Variants in RAB22A observed in about 807,000 individuals in gnomAD.
The protein encoded by RAB22A is RAB22A, member RAS oncogene family.
In RAB22A, 13 loss-of-function variants were observed where a neutral mutation model predicts 30.2. The observed-to-expected ratio is 0.43, with a 90% CI of 0.28 to 0.68. The LOEUF is 0.68. Ranked by LOEUF, RAB22A falls within the 30% of genes least tolerant of loss-of-function variation. RAB22A has a pLI of 0.18. For missense variants in RAB22A, 177 were observed against 246.8 expected (o/e 0.72, Z 1.89); for synonymous variants, 89 against 87.2 (o/e 1.02, Z -0.11).
At chr20:58,324,728 A>C (rs1248713606) in intron 2 of RAB22A, among the ~76,000 whole-genome samples, 1 of 149,156 alleles carries the variant, frequency 6.7e-6, no homozygotes, top group Non-Finnish European at 1.5e-5. Flanking sequence ...TTAGCTGGGC[A>C]TGGGGGCACA....
At position 58,359,613 on chromosome 20, in the gene RAB22A, A is replaced by T; in HGVS notation, c.495A>T (p.Arg165Ser). Residue 165 changes from arginine to serine, a missense_variant, in exon 7 of 7, where the codon AGA (arginine) becomes AGT (serine). Arg to Ser is a moderately radical substitution (Grantham distance 110). Coordinates refer to ENST00000244040, the MANE Select transcript of RAB22A (RefSeq NM_020673.3). ...TTTCTCATCTTGGTTTAGGTCGAAG[A>T]ATTCCATCCACTGACGCCAACCTGC... Reference protein sequence around the residue: ...INELFIEISRRIPSTDANLPS... With the variant: ...INELFIEISRSIPSTDANLPS... 1 of 1,607,702 alleles carries T rather than the reference A, an allele frequency of 6.2e-7. No homozygotes were observed. Among genetic ancestry groups the T allele is most frequent in the Non-Finnish European group, 8.5e-7 (1 of 1,174,634 alleles).
At chr20:58,334,276 A>G (rs1986708211) in intron 2 of RAB22A, among the ~76,000 whole-genome samples, 1 of 151,972 alleles carries the variant, frequency 6.6e-6, no homozygotes, top group East Asian at 1.9e-4. Flanking sequence ...TGGAGATTGC[A>G]GTAAGCAGAG....
intron 2 of RAB22A, among the ~76,000 whole-genome samples, chr20:58,325,544 C>T (rs989929969): frequency 6.6e-6 from 1 of 151,322 alleles, no homozygotes; most frequent in Non-Finnish European, 1.5e-5. Flanking sequence ...TAGATCATTT[C>T]ATCATCATTC....
intron 3 of RAB22A, among the ~76,000 whole-genome samples, chr20:58,351,329 C>T (rs920834014): frequency 2.0e-5 from 3 of 149,114 alleles, no homozygotes; most frequent in Non-Finnish European, 4.4e-5. Context: ...GAGCGAGACT[C>T]TGTCTCAAAA....
chr20:58,316,323 G>A (rs956928912), intron 2 of RAB22A, among the ~76,000 whole-genome samples: 5 of 152,030 alleles, frequency 3.3e-5, no homozygotes, highest in East Asian at 1.9e-4. Flanking sequence ...GGTCTCCTTC[G>A]GCCTTGTCAT....
chr20:58,340,890 G>A (rs1986843759), intron 2 of RAB22A, among the ~76,000 whole-genome samples: 1 of 152,164 alleles, frequency 6.6e-6, no homozygotes, highest in South Asian at 2.1e-4. Flanking sequence ...CAGTGGGAAA[G>A]CATCCAAGGA....
chr20:58,356,342 A>G (rs902237083), intron 6 of RAB22A, among the ~76,000 whole-genome samples: 4 of 152,048 alleles, frequency 2.6e-5, no homozygotes, highest in Non-Finnish European at 5.9e-5. Context: ...ATAGTAAACT[A>G]TACCAACAAT....
chr20:58,346,870 G>A (rs149959136), intron 3 of RAB22A, among the ~76,000 whole-genome samples: 28 of 152,288 alleles, frequency 1.8e-4, no homozygotes, highest in African/African-American at 6.3e-4. Context: ...CCATGGGATT[G>A]TCACCTGTTT....
At chr20:58,318,633 A>T (rs1986390938) in intron 2 of RAB22A, among the ~76,000 whole-genome samples, 1 of 151,750 alleles carries the variant, frequency 6.6e-6, no homozygotes, top group African/African-American at 2.4e-5. Flanking sequence ...GTAGTTGTTG[A>T]TCCCTCTCTC....
At chr20:58,353,389 G>A (rs1402199570) in intron 4 of RAB22A, 43 bp from the exon 5 acceptor site, 1 of 1,608,092 alleles carries the variant, frequency 6.2e-7, no homozygotes, top group African/African-American at 1.3e-5. Flanking sequence ...AAACTCTTTT[G>A]GTTGCTTAGA....
In RAB22A at chr20:58,311,138, T is replaced by C; in HGVS notation, c.116+16T>C. 1 of 1,545,802 alleles carries C rather than the reference T, an allele frequency of 6.5e-7. No individual in the cohort carries two copies. The highest frequency in any genetic ancestry group is 8.9e-7 in the Non-Finnish European group (1 of 1,117,830). ...CAACAATAGGGTAAGAGACTTTTAT[T>C]TGATACACATCTAAAGGTGCATTGA... On this transcript the variant is annotated intron_variant, in intron 2 of 6. Coordinates refer to ENST00000244040, the MANE Select transcript of RAB22A (RefSeq NM_020673.3).
At chr20:58,346,966 T>A (rs903710460) in intron 3 of RAB22A, among the ~76,000 whole-genome samples, 6 of 152,192 alleles carry the variant, frequency 3.9e-5, no homozygotes, top group Admixed American at 1.3e-4. Context: ...CCTTGGCACA[T>A]GGTATTGATG....
At chr20:58,339,176 CAT>C (rs778589146) in intron 2 of RAB22A, among the ~76,000 whole-genome samples, 9 of 152,180 alleles carry the variant, frequency 5.9e-5, no homozygotes, top group Non-Finnish European at 8.8e-5. Context: ...TGAAGAAAGT[CAT>C]ATTTTTAGAA....
chr20:58,363,697 G>A lies in RAB22A; in HGVS notation c.*3994G>A, dbSNP rs1239179878. On this transcript the variant is annotated 3_prime_UTR_variant, in exon 7 of 7. Transcript: ENST00000244040. ...TCTTTAACAGTTAATATTTTTTAAAGGAAGAAATGGAATGTACCTTCAGGG... is the reference window on the plus strand; with the variant it reads ...TCTTTAACAGTTAATATTTTTTAAAAGAAGAAATGGAATGTACCTTCAGGG... 1 of 152,134 alleles carries A rather than the reference G, an allele frequency of 6.6e-6. No individual in the cohort carries two copies. The highest frequency in any genetic ancestry group is 1.5e-5 in the Non-Finnish European group (1 of 68,026). The allele number at this position is 152,134 out of a possible 1,614,324, so 9.4% of individuals were successfully genotyped here. A position where few individuals can be genotyped will look rare whatever the true frequency, so the allele number is the denominator to read the frequency against.
chr20:58,355,884 G>A (rs1271086579), intron 6 of RAB22A, among the ~76,000 whole-genome samples: 1 of 152,122 alleles, frequency 6.6e-6, no homozygotes, highest in Non-Finnish European at 1.5e-5. Flanking sequence ...GTACCCAGAT[G>A]GATTTTTGAA....
Position 58,359,638 on chromosome 20 carries a change from C to T in RAB22A, c.520C>T (p.Pro174Ser). The T allele has an allele frequency of 1.2e-6, 2 of 1,612,428 alleles. No individual in the cohort carries two copies. Among genetic ancestry groups the T allele is most frequent in the Non-Finnish European group, 1.7e-6 (2 of 1,178,710 alleles). ...AATTCCATCCACTGACGCCAACCTG[C>T]CATCTGGCGGTAAGGGCTTCAAACT... Reference protein sequence around the residue: ...RRIPSTDANLPSGGKGFKLRR... With the variant: ...RRIPSTDANLSSGGKGFKLRR... The change falls in exon 7 of 7, where the codon CCA becomes TCA. Residue 174 changes from proline to serine, a missense_variant. By Grantham distance (74) the Pro-to-Ser change is moderately conservative. Coordinates refer to ENST00000244040, the MANE Select transcript of RAB22A (RefSeq NM_020673.3).
At chr20:58,332,787 C>T (rs1007103067) in intron 2 of RAB22A, among the ~76,000 whole-genome samples, 2 of 151,962 alleles carry the variant, frequency 1.3e-5, no homozygotes, top group African/African-American at 2.4e-5. Flanking sequence ...CAAAACAAAC[C>T]ACAACTCCAC....
At chr20:58,318,419 A>G (rs1249307287) in intron 2 of RAB22A, among the ~76,000 whole-genome samples, 2 of 152,208 alleles carry the variant, frequency 1.3e-5, no homozygotes, top group Admixed American at 1.3e-4. Flanking sequence ...TCCAAAATCT[A>G]AAACTTTTTG....
At chr20:58,338,855 A>G (rs537170489) in intron 2 of RAB22A, among the ~76,000 whole-genome samples, 2 of 152,330 alleles carry the variant, frequency 1.3e-5, no homozygotes, top group East Asian at 3.9e-4. Flanking sequence ...CAGAGATCCA[A>G]GGGTTGTTTG....
Sources: gnomAD v4.1 joint callset for allele counts (sites outside exome capture counted in the v4.1 genomes callset) on GRCh38, gnomAD v4.1.1 for gene constraint, MANE v1.5 for transcripts, NCBI Gene and HGNC (gene_info 2026-07-23, HGNC 2026-07-21) for gene names.